SYT16: variants seen among roughly 807,000 people sequenced by gnomAD.
SYT16 encodes synaptotagmin 16.
In SYT16, 42 loss-of-function variants were observed where a neutral mutation model predicts 61.4. That is an observed-to-expected ratio of 0.68 (90% CI 0.53 to 0.89). The LOEUF (loss-of-function observed/expected upper bound fraction) is 0.89, where lower values mean the gene tolerates loss of function less well. Among genes scored for constraint, SYT16 ranks in the 40% least tolerant of loss-of-function variants. SYT16 has a pLI of 0.00. For synonymous variants in SYT16, 314 were observed against 302.3 expected (o/e 1.04, Z -0.40); for missense variants, 804 against 807.3 (o/e 1.00, Z 0.05).
chr14:61,957,077 T>C (rs1355720156), intron 1 of SYT16, among the ~76,000 whole-genome samples: 1 of 151,984 alleles, frequency 6.6e-6, no homozygotes, highest in East Asian at 1.9e-4. Flanking sequence ...GTAAGTGCAA[T>C]TGTTTTCTAA....
intron 3 of SYT16, among the ~76,000 whole-genome samples, chr14:62,067,246 A>G (rs983351148): frequency 2.0e-5 from 3 of 152,172 alleles, no homozygotes; most frequent in Admixed American, 1.3e-4. Flanking sequence ...ACATATTGAG[A>G]GACATCAGTT....
intron 1 of SYT16, among the ~76,000 whole-genome samples, chr14:61,824,439 A>G (rs970860314): frequency 2.6e-5 from 4 of 151,590 alleles, no homozygotes; most frequent in Admixed American, 2.0e-4. Flanking sequence ...TGCAACCTCC[A>G]CCTCCCGGGT....
intron 1 of SYT16, among the ~76,000 whole-genome samples, chr14:61,911,299 A>C (rs577742594): frequency 9.2e-5 from 14 of 152,330 alleles, no homozygotes; most frequent in African/African-American, 3.4e-4. Context: ...TTTCTAAAAT[A>C]GTTTACAGCC....
intron 2 of SYT16, among the ~76,000 whole-genome samples, chr14:61,983,895 A>T (rs1398348681): frequency 6.6e-5 from 10 of 152,308 alleles, no homozygotes; most frequent in Admixed American, 6.5e-4. Context: ...GTTTTTCCCC[A>T]GTAAGCATTG....
intron 1 of SYT16, among the ~76,000 whole-genome samples, chr14:61,898,463 AT>A (rs1477663417): frequency 6.6e-6 from 1 of 152,164 alleles, no homozygotes; most frequent in Non-Finnish European, 1.5e-5. Context: ...AGTAGAGAAG[AT>A]TTGTGTCTGG....
chr14:61,820,204 T>C (rs1466873028), intron 1 of SYT16, among the ~76,000 whole-genome samples: 2 of 152,254 alleles, frequency 1.3e-5, no homozygotes, highest in Non-Finnish European at 2.9e-5. Context: ...TTTATTGTTT[T>C]GTGCAAGTGT....
At chr14:61,832,459 G>C (rs575753602) in intron 1 of SYT16, 2 of 406,578 alleles carry the variant, frequency 4.9e-6, no homozygotes, top group East Asian at 5.8e-5. Flanking sequence ...TTTCCGAGAC[G>C]GAGTTTTGCT....
intron 5 of SYT16, among the ~76,000 whole-genome samples, chr14:62,078,283 T>G (rs1039290860): frequency 6.6e-6 from 1 of 151,992 alleles, no homozygotes; most frequent in Non-Finnish European, 1.5e-5. Flanking sequence ...TTTGAAATTT[T>G]GAGTATTGGA....
intron 4 of SYT16, among the ~76,000 whole-genome samples, chr14:62,073,371 C>T (rs2056370340): frequency 1.3e-5 from 2 of 152,110 alleles, no homozygotes; most frequent in South Asian, 4.1e-4. Flanking sequence ...GGACATTTTC[C>T]TGTTCGCATA....
rs1046087692 is a variant in SYT16, at chr14:61,823,836, A to G, written c.-325+11026A>G. On this transcript the variant is annotated intron_variant, in intron 1 of 7. Transcript: ENST00000683842. ...CTTTATGATACTGTTCCGTGCGACA[A>G]TAAGCTGCTGATTGAATTCTTGCTT... 8.5e-5 allele frequency among the ~76,000 whole-genome samples: 13 copies of G among 152,368 alleles called. 1 individual carries two copies. The South Asian group carries it at 1.9e-3, about 22-fold the overall frequency.
chr14:61,845,336 T>C (rs1278861215), intron 1 of SYT16, among the ~76,000 whole-genome samples: 3 of 152,186 alleles, frequency 2.0e-5, no homozygotes, highest in African/African-American at 7.2e-5. Context: ...CGTGAGCCAC[T>C]GTGCCCAGCC....
intron 3 of SYT16, among the ~76,000 whole-genome samples, chr14:62,015,692 T>C (rs1394627037): frequency 6.6e-6 from 1 of 152,168 alleles, no homozygotes; most frequent in Non-Finnish European, 1.5e-5. Context: ...GAAGCCGCCT[T>C]GCCTCCTCTA....
At chr14:61,919,878 C>A (rs2049264574) in intron 1 of SYT16, among the ~76,000 whole-genome samples, 1 of 928 alleles carries the variant, frequency 1.1e-3, no homozygotes, top group Non-Finnish European at 2.9e-3. Flanking sequence ...GCACACTTGG[C>A]CAGAACTCTG....
intron 3 of SYT16, among the ~76,000 whole-genome samples, chr14:62,023,053 G>C (rs1250401040): frequency 6.6e-6 from 1 of 151,990 alleles, no homozygotes; most frequent in African/African-American, 2.4e-5. Context: ...TTTCTCTTCG[G>C]TTTTATGTCA....
intron 1 of SYT16, among the ~76,000 whole-genome samples, chr14:61,968,143 C>G (rs1352812937): frequency 6.6e-6 from 1 of 152,100 alleles, no homozygotes; most frequent in Non-Finnish European, 1.5e-5. Flanking sequence ...TGCCTGAAAT[C>G]CCAGCTACTC....
intron 3 of SYT16, among the ~76,000 whole-genome samples, chr14:62,038,543 T>C (rs1483446543): frequency 6.6e-6 from 1 of 152,142 alleles, no homozygotes; most frequent in East Asian, 1.9e-4. Context: ...GTGGCACATA[T>C]TCCATGATTT....
chr14:61,827,355 T>A (rs1323104084), intron 1 of SYT16, among the ~76,000 whole-genome samples: 3 of 152,156 alleles, frequency 2.0e-5, no homozygotes, highest in South Asian at 2.1e-4. Context: ...CCTTGCAGAG[T>A]GAAGAAAGAT....
chr14:62,102,622 C>G lies in SYT16; in HGVS notation c.*1915C>G, dbSNP rs1360434782. On this transcript the variant is annotated 3_prime_UTR_variant, in exon 8 of 8. Transcript: ENST00000683842. ...AGCACAAAGAAGTGGCTTTTCACAT[C>G]TCTTACTCTTTATGCCTTGTGTTTA... is the stretch of plus-strand genomic sequence containing the variant. 1 of 152,190 alleles carries G rather than the reference C, an allele frequency of 6.6e-6. No individual in the cohort carries two copies. Among genetic ancestry groups the G allele is most frequent in the Non-Finnish European group, 1.5e-5 (1 of 68,046 alleles). 9.4% of individuals were successfully genotyped at this position (152,190 alleles called of 1,614,324 possible).
At chr14:62,066,199 C>T (rs1030645565) in intron 3 of SYT16, among the ~76,000 whole-genome samples, 2 of 152,222 alleles carry the variant, frequency 1.3e-5, no homozygotes, top group African/African-American at 4.8e-5. Context: ...GACTTGGCCA[C>T]AGGACCTCCA....
Sources: allele counts gnomAD v4.1 joint callset (sites outside exome capture counted in the v4.1 genomes callset), GRCh38; gene constraint gnomAD v4.1.1; transcripts MANE v1.5; gene names NCBI Gene and HGNC (gene_info 2026-07-23, HGNC 2026-07-21).